The following DLGAP1 variants were observed in gnomAD, a reference collection of about 807,000 sequenced individuals.
DLGAP1 encodes DLG associated protein 1.
Under a neutral mutation model 90.8 loss-of-function variants are expected in DLGAP1, and 11 were observed. That is an observed-to-expected ratio of 0.12 (90% CI 0.08 to 0.20). The LOEUF is 0.20. Ranked by LOEUF, DLGAP1 falls within the 10% of genes least tolerant of loss-of-function variation. The probability of loss-of-function intolerance (pLI) is 1.00; values close to 1 mark genes in which losing one functional copy is unlikely to be tolerated. For missense variants in DLGAP1, 1,050 were observed against 1,333.8 expected (o/e 0.79, Z 3.31); for synonymous variants, 558 against 540.7 (o/e 1.03, Z -0.44).
At chr18:4,089,752 G>A (rs565760265) in intron 2 of DLGAP1, among the ~76,000 whole-genome samples, 1 of 152,224 alleles carries the variant, frequency 6.6e-6, no homozygotes, top group East Asian at 1.9e-4. Flanking sequence ...AATTGAAACC[G>A]GACCTCTTCC....
intron 4 of DLGAP1, among the ~76,000 whole-genome samples, chr18:3,864,952 G>T (rs1235443052): frequency 6.6e-6 from 1 of 151,956 alleles, no homozygotes; most frequent in Non-Finnish European, 1.5e-5. Flanking sequence ...AGTAAAATGG[G>T]TAAATCTCCC....
intron 8 of DLGAP1, among the ~76,000 whole-genome samples, chr18:3,578,045 C>G (rs1283245501): frequency 2.6e-5 from 4 of 152,122 alleles, no homozygotes; most frequent in Non-Finnish European, 4.4e-5. Flanking sequence ...TATATTTTAT[C>G]AATTAATTTT....
chr18:3,858,514 ACG>A (rs2069810695), intron 4 of DLGAP1, among the ~76,000 whole-genome samples: 2 of 147,950 alleles, frequency 1.4e-5, no homozygotes, highest in Admixed American at 1.4e-4. Context: ...ATATATATAC[ACG>A]TATATATATA....
intron 7 of DLGAP1, among the ~76,000 whole-genome samples, chr18:3,614,686 CAA>C (rs35764644): frequency 2.2e-4 from 23 of 104,992 alleles, no homozygotes; most frequent in Admixed American, 6.6e-4. Context: ...ACTAAAAATA[CAA>C]AAAAAAAAAA....
intron 4 of DLGAP1, among the ~76,000 whole-genome samples, chr18:3,876,089 C>T (rs960477937): frequency 2.6e-5 from 4 of 151,594 alleles, no homozygotes; most frequent in Non-Finnish European, 5.9e-5. Flanking sequence ...AAATTTACTT[C>T]TAAGAATGAG....
At chr18:4,294,848 G>T (rs2079937280) in intron 1 of DLGAP1, 1 of 152,242 alleles carries the variant, frequency 6.6e-6, no homozygotes, top group Admixed American at 6.6e-5. Context: ...AACTGGACAG[G>T]GGATGGAGTG....
chr18:3,707,104 A>G (rs2061457996), intron 7 of DLGAP1, among the ~76,000 whole-genome samples: 1 of 152,208 alleles, frequency 6.6e-6, no homozygotes, highest in Non-Finnish European at 1.5e-5. Flanking sequence ...GCCAAGATCT[A>G]GTATTTGTTT....
intron 1 of DLGAP1, among the ~76,000 whole-genome samples, chr18:4,427,183 G>A (rs913383413): frequency 6.6e-6 from 1 of 152,206 alleles, no homozygotes; most frequent in African/African-American, 2.4e-5. Context: ...GGAGCAGAGA[G>A]ACTGTTCCCG....
intron 2 of DLGAP1, among the ~76,000 whole-genome samples, chr18:4,147,992 G>A (rs961498924): frequency 6.6e-6 from 1 of 152,218 alleles, no homozygotes; most frequent in African/African-American, 2.4e-5. Context: ...GGGTGTCCGA[G>A]GGAGAGAATA....
intron 2 of DLGAP1, among the ~76,000 whole-genome samples, chr18:4,104,104 G>C (rs540296142): frequency 1.3e-5 from 2 of 151,952 alleles, no homozygotes; most frequent in Non-Finnish European, 2.9e-5. Context: ...GATAATTGCA[G>C]TCTTTTTCTA....
chr18:4,399,072 C>T (rs1005816555), intron 1 of DLGAP1, among the ~76,000 whole-genome samples: 254 of 152,238 alleles, frequency 1.7e-3, no homozygotes, highest in African/African-American at 5.5e-3. Context: ...CCTTGTGATC[C>T]GCCTGCCTTG....
intron 1 of DLGAP1, among the ~76,000 whole-genome samples, chr18:4,376,340 A>G (rs901771291): frequency 3.9e-5 from 6 of 152,148 alleles, no homozygotes; most frequent in African/African-American, 1.4e-4. Context: ...TACATTTTCC[A>G]TGATGTAAAA....
intron 1 of DLGAP1, among the ~76,000 whole-genome samples, chr18:4,307,008 CA>C (rs1257825255): frequency 3.3e-5 from 5 of 152,132 alleles, no homozygotes; most frequent in African/African-American, 1.2e-4. Context: ...ATAATTGAAT[CA>C]CAAGAAACAC....
chr18:4,175,297 C>T (rs546514960), intron 1 of DLGAP1, among the ~76,000 whole-genome samples: 1 of 151,972 alleles, frequency 6.6e-6, no homozygotes, highest in African/African-American at 2.4e-5. Flanking sequence ...GTTTAGATTC[C>T]CTGTAAATTC....
At chr18:4,168,472 C>T (rs2076968628) in intron 1 of DLGAP1, among the ~76,000 whole-genome samples, 2 of 152,110 alleles carry the variant, frequency 1.3e-5, no homozygotes, top group Admixed American at 1.3e-4. Flanking sequence ...AAATGTTGTA[C>T]AGTCACCACC....
intron 3 of DLGAP1, among the ~76,000 whole-genome samples, chr18:3,993,857 G>A (rs1026211281): frequency 2.0e-5 from 3 of 152,082 alleles, no homozygotes; most frequent in African/African-American, 7.2e-5. Context: ...TTATCATAGC[G>A]AGATGTTGAG....
At chr18:3,994,824 T>C (rs2074036079) in intron 3 of DLGAP1, among the ~76,000 whole-genome samples, 1 of 152,220 alleles carries the variant, frequency 6.6e-6, no homozygotes, top group South Asian at 2.1e-4. Flanking sequence ...CAAATTTAAG[T>C]AGGCCAGACT....
At chr18:4,207,493 C>G (rs142403774) in intron 1 of DLGAP1, among the ~76,000 whole-genome samples, 1 of 152,224 alleles carries the variant, frequency 6.6e-6, no homozygotes, top group East Asian at 1.9e-4. Context: ...GAATGCAGAC[C>G]GCAAAGAAGA....
intron 3 of DLGAP1, among the ~76,000 whole-genome samples, chr18:3,988,642 G>A (rs1200151319): frequency 6.6e-6 from 1 of 152,040 alleles, no homozygotes; most frequent in Non-Finnish European, 1.5e-5. Context: ...GCAAATGATG[G>A]GGAGCGGCTG....
Sources: gnomAD v4.1 joint callset for allele counts (sites outside exome capture counted in the v4.1 genomes callset) on GRCh38, gnomAD v4.1.1 for gene constraint, MANE v1.5 for transcripts, NCBI Gene and HGNC (gene_info 2026-07-23, HGNC 2026-07-21) for gene names.